The following TPGS2 variants were observed in gnomAD, a reference collection of about 807,000 sequenced individuals.
TPGS2 encodes tubulin polyglutamylase complex subunit 2, also known as polyglutamylase subunit 2.
A neutral mutation model predicts 31.1 loss-of-function variants in TPGS2; 26 were observed. That is an observed-to-expected ratio of 0.84 (90% CI 0.61 to 1.16). TPGS2 has a LOEUF of 1.16. Among genes scored for constraint, TPGS2 ranks in the 50% most tolerant of loss-of-function variants. The pLI is 0.00. For synonymous variants in TPGS2, 130 were observed against 136.6 expected (o/e 0.95, Z 0.34); for missense variants, 351 against 363.8 (o/e 0.96, Z 0.29).
chr18:36,822,063 G>A (rs527321031), intron 1 of TPGS2, among the ~76,000 whole-genome samples: 1 of 152,188 alleles, frequency 6.6e-6, no homozygotes, highest in Non-Finnish European at 1.5e-5. Context: ...CAGAGGGCTG[G>A]AAGTTGTAGT....
Position 36,796,432 on chromosome 18 carries a change from C to A in TPGS2, c.*373G>T. On this transcript the variant is annotated 3_prime_UTR_variant, in exon 7 of 7. Transcript: ENST00000334295. ...AAATAGTCATATGTGACTAGTGGCTCCTGAATGAACAATGCAGTTCTAATG... is the reference window on the plus strand; with the variant it reads ...AAATAGTCATATGTGACTAGTGGCTACTGAATGAACAATGCAGTTCTAATG... The A allele has an allele frequency of 9.8e-7, 1 of 1,023,574 alleles. No individual in the cohort carries two copies. Among genetic ancestry groups the A allele is most frequent in the African/African-American group, 1.7e-5 (1 of 58,902 alleles). The allele number at this position is 1,023,574 out of a possible 1,614,324, so 63.4% of individuals were successfully genotyped here.
chr18:36,802,763 A>T lies in TPGS2; in HGVS notation c.383-2452T>A, dbSNP rs56348006. 6.5e-3 allele frequency among the ~76,000 whole-genome samples: 986 copies of T among 151,738 alleles called. 15 individuals are homozygous for T. Among genetic ancestry groups the T allele is most frequent in the African/African-American group, 0.022 (911 of 41,382 alleles). ...TTGCCTCAGCCTCCCGAGTAGCTGG[A>T]ATTACAGGTGCCCGCCACCACGCCT... On this transcript the variant is annotated intron_variant, in intron 4 of 6. Transcript: ENST00000334295.
downstream of TPGS2, among the ~76,000 whole-genome samples, chr18:36,790,945 T>C (rs1003841314): frequency 6.6e-6 from 1 of 152,214 alleles, no homozygotes; most frequent in Admixed American, 6.5e-5. Context: ...TCTGCATTTG[T>C]GTCCCTGCCC....
downstream of TPGS2, among the ~76,000 whole-genome samples, chr18:36,793,383 C>T (rs899485763): frequency 6.6e-6 from 1 of 152,196 alleles, no homozygotes; most frequent in Non-Finnish European, 1.5e-5. Flanking sequence ...ATATCTATAA[C>T]TGAGTAAGTG....
Position 36,794,683 on chromosome 18 carries a change from A to G in TPGS2, c.*2122T>C. The G allele has an allele frequency of 1.0e-6, 1 of 985,334 alleles. No individual in the cohort carries two copies. The highest frequency in any genetic ancestry group is 1.2e-6 in the Non-Finnish European group (1 of 829,940). The allele number at this position is 985,334 out of a possible 1,614,324, so 61.0% of individuals were successfully genotyped here. A position where few individuals can be genotyped will look rare whatever the true frequency, so the allele number is the denominator to read the frequency against. On this transcript the variant is annotated 3_prime_UTR_variant, in exon 7 of 7. Transcript: ENST00000334295. Reference sequence around the variant, plus strand: ...ACTTCTGGAAGACTAAACTCCAGCTATTGTCCTCAACAACTTGGTCTCTCT... The same window carrying G: ...ACTTCTGGAAGACTAAACTCCAGCTGTTGTCCTCAACAACTTGGTCTCTCT...
intron 2 of TPGS2, among the ~76,000 whole-genome samples, chr18:36,817,071 A>G (rs1383941433): frequency 6.6e-6 from 1 of 152,254 alleles, no homozygotes; most frequent in African/African-American, 2.4e-5. Context: ...TGTTGACAGG[A>G]TCAGCCAATA....
chr18:36,794,100 G>A (rs1402646837), downstream of TPGS2: 2 of 215,516 alleles, frequency 9.3e-6, no homozygotes, highest in Non-Finnish European at 1.6e-5. Context: ...ATAGTAAAAT[G>A]CATGATAGGA....
chr18:36,807,988 G>A, intron 2 of TPGS2, 54 bp from the exon 3 acceptor site: 2 of 1,578,134 alleles, frequency 1.3e-6, no homozygotes, highest in Non-Finnish European at 1.7e-6. Flanking sequence ...GAGGGTACAG[G>A]GCTATGGCTT....
intron 6 of TPGS2, chr18:36,786,918 G>A: frequency 1.6e-6 from 2 of 1,234,396 alleles, no homozygotes; most frequent in Non-Finnish European, 2.0e-6. Context: ...ATTGGCGCCT[G>A]CTGCACACGC....
chr18:36,820,828 A>G (rs1338031365), intron 1 of TPGS2: 1 of 152,232 alleles, frequency 6.6e-6, no homozygotes, highest in Non-Finnish European at 1.5e-5. Context: ...TTCTTGGCCT[A>G]TCAAGATGCC....
Position 36,796,760 on chromosome 18 carries a change from GA to G in TPGS2, c.*44del, listed in dbSNP as rs2044545523. Reference sequence around the variant, plus strand: ...TCACCCCTAGGGCCATCTGTGCATGGAAACCACCACTCTGGAGCTGGTAGGG... The same window carrying G: ...TCACCCCTAGGGCCATCTGTGCATGGAACCACCACTCTGGAGCTGGTAGGG... On this transcript the variant is annotated 3_prime_UTR_variant, in exon 7 of 7. Transcript: ENST00000334295. 1 of 1,571,324 alleles carries G rather than the reference GA, an allele frequency of 6.4e-7. No homozygotes were observed. The highest frequency in any genetic ancestry group is 8.6e-7 in the Non-Finnish European group (1 of 1,167,148).
rs567118923 is a variant in TPGS2, at chr18:36,802,839, A to G, written c.383-2528T>C. On this transcript the variant is annotated intron_variant, in intron 4 of 6. Transcript: ENST00000334295. ...GACGGGGTTTCACCATGTTGGCCAG[A>G]ATGGTCTTGATCTCCTGACCTCATG... Among the ~76,000 whole-genome samples, 34 of 152,086 alleles carry G rather than the reference A, an allele frequency of 2.2e-4. 1 individual carries two copies. In the East Asian group the frequency reaches 5.6e-3, roughly 25 times the overall value.
chr18:36,784,267 G>A (rs1464721182), intron 6 of TPGS2, among the ~76,000 whole-genome samples: 1 of 152,236 alleles, frequency 6.6e-6, no homozygotes, highest in Non-Finnish European at 1.5e-5. Flanking sequence ...CCGTTATGGA[G>A]GTAACTGTGC....
intron 1 of TPGS2, among the ~76,000 whole-genome samples, chr18:36,821,458 G>A (rs144661491): frequency 1.3e-5 from 2 of 152,248 alleles, no homozygotes; most frequent in East Asian, 3.9e-4. Flanking sequence ...GAGATGATTT[G>A]TTATCCAGTG....
Position 36,828,687 on chromosome 18 carries a change from G to A in TPGS2, c.81C>T (p.Ile27=). 1 of 1,614,094 alleles carries A rather than the reference G, an allele frequency of 6.2e-7. No homozygotes were observed. The highest frequency in any genetic ancestry group is 8.5e-7 in the Non-Finnish European group (1 of 1,179,984). Residue 27 remains isoleucine, a synonymous_variant, in exon 1 of 7, where the codon ATC becomes ATT. Coordinates refer to ENST00000334295, the MANE Select transcript of TPGS2 (RefSeq NM_015476.4). ...CACCGTGCCCCCTTTCCTCACCTAG[G>A]ATGCGCGTGATGCCCAGGGTCAGCT... is the stretch of plus-strand genomic sequence containing the variant. ...LEKLTLGITR[I]LESSPGVTEV...
chr18:36,813,314 CTG>C (rs2045511013), intron 2 of TPGS2, among the ~76,000 whole-genome samples: 1 of 152,158 alleles, frequency 6.6e-6, no homozygotes, highest in African/African-American at 2.4e-5. Context: ...GAGTGGCTAA[CTG>C]TGGGGCATGC....
chr18:36,782,790 A>C (rs2044046719), downstream of TPGS2, among the ~76,000 whole-genome samples: 1 of 152,232 alleles, frequency 6.6e-6, no homozygotes, highest in African/African-American at 2.4e-5. Context: ...GAAAGCCAGG[A>C]GGCGGCAGCA....
chr18:36,823,744 G>C (rs1180940510), intron 1 of TPGS2: 1 of 820,618 alleles, frequency 1.2e-6, no homozygotes, highest in African/African-American at 1.9e-5. Context: ...ACAGGCGTGA[G>C]CCACCGCGCC....
intron 4 of TPGS2, among the ~76,000 whole-genome samples, chr18:36,801,710 T>A (rs1015317336): frequency 1.3e-5 from 2 of 152,244 alleles, no homozygotes; most frequent in Non-Finnish European, 2.9e-5. Flanking sequence ...CTTTGTTCTC[T>A]TGTATGTAAT....
Sources: gnomAD v4.1 joint callset for allele counts (sites outside exome capture counted in the v4.1 genomes callset) on GRCh38, gnomAD v4.1.1 for gene constraint, MANE v1.5 for transcripts, NCBI Gene and HGNC (gene_info 2026-07-23, HGNC 2026-07-21) for gene names.